The following NXPH1 variants were observed in gnomAD, a reference collection of about 807,000 sequenced individuals.
NXPH1 encodes neurexophilin 1, also known as neurexophilin-1.
Under a neutral mutation model 23.7 loss-of-function variants are expected in NXPH1, and 5 were observed. That is an observed-to-expected ratio of 0.21 (90% CI 0.11 to 0.44). NXPH1 has a LOEUF of 0.44. NXPH1 is among the 20% of genes least tolerant of loss of function. The pLI, the probability that NXPH1 is intolerant of heterozygous loss-of-function variation, is 0.99. For synonymous variants in NXPH1, 144 were observed against 122.2 expected (o/e 1.18, Z -1.18); for missense variants, 324 against 321.6 (o/e 1.01, Z -0.06).
intron 2 of NXPH1, among the ~76,000 whole-genome samples, chr7:8,562,027 T>G (rs1243328390): frequency 6.6e-6 from 1 of 151,734 alleles, no homozygotes; most frequent in Non-Finnish European, 1.5e-5. Context: ...CATCATTTAT[T>G]GAATATCTAT....
At position 8,581,591 on chromosome 7, in the gene NXPH1, C is replaced by T. The variant is rs200357116; in HGVS notation, c.54+145824C>T. Among the ~76,000 whole-genome samples, 16 of 152,236 alleles carry T rather than the reference C, an allele frequency of 1.1e-4. No homozygotes were observed. The East Asian group carries it at 1.2e-3, about 11-fold the overall frequency. On this transcript the variant is annotated intron_variant, in intron 2 of 2. Transcript: ENST00000405863. The stretch of plus-strand genomic sequence containing the variant: ...TCCAACATCAGGGATTACAGTTCGA[C>T]GTGAGATTTGAGTGGGGATACAAAT...
At chr7:8,596,854 A>G (rs368295859) in intron 2 of NXPH1, among the ~76,000 whole-genome samples, 1 of 152,132 alleles carries the variant, frequency 6.6e-6, no homozygotes, top group Non-Finnish European at 1.5e-5. Flanking sequence ...CTCACCTTCT[A>G]ATAAAGGCGA....
chr7:8,634,954 T>G (rs1442264484), intron 2 of NXPH1, among the ~76,000 whole-genome samples: 1 of 151,100 alleles, frequency 6.6e-6, no homozygotes, highest in African/African-American at 2.4e-5. Flanking sequence ...TGTGTAGAAA[T>G]GACTCTTTTG....
At chr7:8,727,804 T>C (rs1461865252) in intron 2 of NXPH1, among the ~76,000 whole-genome samples, 4 of 152,144 alleles carry the variant, frequency 2.6e-5, no homozygotes, top group African/African-American at 9.7e-5. Context: ...TGGCTTAGGA[T>C]TGACTTGGTG....
chr7:8,480,766 C>T (rs907538242), intron 2 of NXPH1, among the ~76,000 whole-genome samples: 2 of 152,116 alleles, frequency 1.3e-5, no homozygotes, highest in East Asian at 1.9e-4. Context: ...AAATGAGTCA[C>T]CAAGATTTGT....
At chr7:8,459,860 G>A (rs1816663257) in intron 2 of NXPH1, among the ~76,000 whole-genome samples, 3 of 152,138 alleles carry the variant, frequency 2.0e-5, no homozygotes, top group East Asian at 1.9e-4. Context: ...GAATGAATTC[G>A]TGAATGAACA....
intron 2 of NXPH1, among the ~76,000 whole-genome samples, chr7:8,661,463 G>C (rs1448789345): frequency 6.6e-6 from 1 of 152,056 alleles, no homozygotes; most frequent in East Asian, 1.9e-4. Flanking sequence ...CTGTTTTTCT[G>C]TTTTGTTTTG....
intron 2 of NXPH1, among the ~76,000 whole-genome samples, chr7:8,502,927 G>T (rs1195277768): frequency 6.6e-6 from 1 of 151,970 alleles, no homozygotes; most frequent in African/African-American, 2.4e-5. Context: ...GCCACTTCAT[G>T]ATGCACAAGG....
At position 8,558,156 on chromosome 7, in the gene NXPH1, A is replaced by G. The variant is rs541485273; in HGVS notation, c.54+122389A>G. 4.0e-5 allele frequency among the ~76,000 whole-genome samples: 6 copies of G among 151,844 alleles called. No individual in the cohort carries two copies. The East Asian group carries it at 1.2e-3, about 30-fold the overall frequency. On this transcript the variant is annotated intron_variant, in intron 2 of 2. Transcript: ENST00000405863. ...AACATTTTGATTTTAAATTCTTACA[A>G]TTAGGTTTTATATGGGTTTCTTTAT...
chr7:8,436,708 C>A (rs1232905029), intron 2 of NXPH1, among the ~76,000 whole-genome samples: 1 of 152,206 alleles, frequency 6.6e-6, no homozygotes, highest in Non-Finnish European at 1.5e-5. Context: ...CATAGCCCAT[C>A]CTGGGCTGCG....
intron 2 of NXPH1, among the ~76,000 whole-genome samples, chr7:8,474,288 A>G (rs1049122657): frequency 6.6e-6 from 1 of 152,100 alleles, no homozygotes; most frequent in Non-Finnish European, 1.5e-5. Context: ...AATTTTGATC[A>G]GTTTCTATCA....
intron 2 of NXPH1, among the ~76,000 whole-genome samples, chr7:8,443,490 G>A (rs1044468347): frequency 2.0e-5 from 3 of 152,244 alleles, no homozygotes; most frequent in Non-Finnish European, 4.4e-5. Context: ...AGCGATTCCT[G>A]CCCCTCTTCC....
At chr7:8,689,771 C>G (rs757430015) in intron 2 of NXPH1, among the ~76,000 whole-genome samples, 2 of 152,138 alleles carry the variant, frequency 1.3e-5, no homozygotes, top group African/African-American at 2.4e-5. Context: ...AAGGGTGGAA[C>G]TGAGAGGATA....
chr7:8,482,652 A>G (rs1817093937), intron 2 of NXPH1, among the ~76,000 whole-genome samples: 1 of 152,212 alleles, frequency 6.6e-6, no homozygotes, highest in South Asian at 2.1e-4. Flanking sequence ...CAAAAGGCCA[A>G]TAATGCTCAT....
intron 2 of NXPH1, among the ~76,000 whole-genome samples, chr7:8,482,471 A>G (rs1195947797): frequency 3.9e-5 from 6 of 152,170 alleles, no homozygotes; most frequent in Non-Finnish European, 2.9e-5. Flanking sequence ...TTGGGCTTCC[A>G]AGCTTAAACT....
chr7:8,473,345 T>C (rs766159071), intron 2 of NXPH1, among the ~76,000 whole-genome samples: 1 of 152,150 alleles, frequency 6.6e-6, no homozygotes, highest in African/African-American at 2.4e-5. Context: ...ATCATAAATG[T>C]ACAAGAAAGC....
At chr7:8,643,996 T>C (rs947473671) in intron 2 of NXPH1, among the ~76,000 whole-genome samples, 3 of 152,304 alleles carry the variant, frequency 2.0e-5, no homozygotes, top group Admixed American at 1.3e-4. Flanking sequence ...TTGGGGTTCA[T>C]GGACAACAAC....
At chr7:8,508,914 G>GAAAT (rs1410546684) in intron 2 of NXPH1, among the ~76,000 whole-genome samples, 4 of 151,970 alleles carry the variant, frequency 2.6e-5, no homozygotes, top group Non-Finnish European at 5.9e-5. Context: ...CACATTAGAG[G>GAAAT]AAATAGGACT....
chr7:8,681,844 T>C (rs1821054540), intron 2 of NXPH1, among the ~76,000 whole-genome samples: 2 of 152,184 alleles, frequency 1.3e-5, no homozygotes, highest in Admixed American at 1.3e-4. Flanking sequence ...TTCCAGTCTT[T>C]CTCTACTATT....
Sources: gnomAD v4.1 joint callset for allele counts (sites outside exome capture counted in the v4.1 genomes callset) on GRCh38, gnomAD v4.1.1 for gene constraint, MANE v1.5 for transcripts, NCBI Gene and HGNC (gene_info 2026-07-23, HGNC 2026-07-21) for gene names.